CARD14: variants seen among roughly 807,000 people sequenced by gnomAD.
CARD14 encodes caspase recruitment domain-containing protein 14.
Under a neutral mutation model 111.5 loss-of-function variants are expected in CARD14, and 107 were observed. The ratio of observed to expected loss-of-function variants is 0.96; its 90% CI spans 0.82 to 1.13. CARD14 has a LOEUF of 1.13. Ranked by LOEUF, CARD14 falls within the 50% of genes most tolerant of loss-of-function variation. CARD14 has a pLI of 0.00. For missense variants in CARD14, 1,322 were observed against 1,362.3 expected (o/e 0.97, Z 0.47); for synonymous variants, 617 against 579.6 (o/e 1.06, Z -0.93).
intron 12 of CARD14, among the ~76,000 whole-genome samples, chr17:80,193,057 G>A (rs183497624): frequency 3.9e-5 from 6 of 152,154 alleles, no homozygotes; most frequent in African/African-American, 7.2e-5. Context: ...GCCCTATTGC[G>A]AGAGTTTTAA....
chr17:80,192,350 G>A (rs370413586), intron 11 of CARD14, 153 bp from the exon 12 acceptor site: 22 of 628,630 alleles, frequency 3.5e-5, no homozygotes, highest in Non-Finnish European at 5.5e-5. Context: ...TGATGGGCTC[G>A]GAGGACAGGG....
At chr17:80,177,051 C>T (rs1475307427) in intron 2 of CARD14, among the ~76,000 whole-genome samples, 1 of 152,216 alleles carries the variant, frequency 6.6e-6, no homozygotes, top group Non-Finnish European at 1.5e-5. Context: ...AGTCCACACT[C>T]CAGGGGTGAG....
Position 80,183,987 on chromosome 17 carries a change from GA to G in CARD14, c.428del (p.Lys143ArgfsTer38). 2 of 1,581,840 alleles carry G rather than the reference GA, an allele frequency of 1.3e-6. No individual in the cohort carries two copies. The highest frequency in any genetic ancestry group is 1.7e-6 in the Non-Finnish European group (2 of 1,162,310). On this transcript the variant is annotated frameshift_variant, in exon 7 of 24. Transcript: ENST00000648509. LOFTEE classifies it high-confidence loss of function. ...CAGCCTGCAGGAGGAGCTGAACCAG[GA>G]AAAGGGGCAGAAGGAGGTGCTGCTG... The part of the protein sequence containing the change: ...IGSLQEELNQ[E>X]KGQKEVLLRR...
In CARD14 at chr17:80,189,044, T is replaced by C. The variant is rs910827412; in HGVS notation, c.843+500T>C. Among the ~76,000 whole-genome samples the C allele has an allele frequency of 2.0e-5, 3 of 152,178 alleles. No individual in the cohort carries two copies. Among genetic ancestry groups the C allele is most frequent in the Non-Finnish European group, 4.4e-5 (3 of 68,030 alleles). ...CCAGCCTGGCGACAGAGGGAGACCC[T>C]GTCTCAAACAAACAAAAATAAAAGC... On this transcript the variant is annotated intron_variant, in intron 8 of 23. Coordinates refer to ENST00000648509, the MANE Select transcript of CARD14 (RefSeq NM_001366385.1). This position sits in a 1 kb window ranked among gnomAD's most constrained non-coding sequence, Gnocchi z 4.7.
chr17:80,170,277 T>A (rs557457923), intron 1 of CARD14: 2 of 152,156 alleles, frequency 1.3e-5, no homozygotes, highest in African/African-American at 2.4e-5. Context: ...ACTGGAACAT[T>A]CTCTGAATGC....
rs772836274 is a variant in CARD14, at chr17:80,198,558, G to C, written c.1818G>C (p.Gln606His). Residue 606 changes from glutamine to histidine, a missense_variant, in exon 16 of 24, where the codon CAG becomes CAC. Coordinates refer to ENST00000648509, the MANE Select transcript of CARD14 (RefSeq NM_001366385.1). This position sits in a 1 kb window ranked among gnomAD's most constrained non-coding sequence, Gnocchi z 7.5. ...HRVTPGSAAD[Q>H]MALRPGTQIV... ...TCACCCCGGGCTCGGCGGCGGACCA[G>C]ATGGCCTTGCGCCCGGGCACCCAGA... 15 of 1,612,870 alleles carry C rather than the reference G, an allele frequency of 9.3e-6. No homozygotes were observed. The East Asian group carries it at 2.7e-4, about 29-fold the overall frequency.
At chr17:80,174,249 G>C (rs1280656819) in intron 2 of CARD14, among the ~76,000 whole-genome samples, 1 of 152,152 alleles carries the variant, frequency 6.6e-6, no homozygotes, top group Non-Finnish European at 1.5e-5. Context: ...GTCTCGGTCT[G>C]TCTCCCTGGC....
In CARD14 at chr17:80,171,301, TTCTC is replaced by T. The variant is rs1311227697; in HGVS notation, c.-690+1257_-690+1260del. On this transcript the variant is annotated intron_variant, in intron 1 of 23. Transcript: ENST00000648509. ...TTCTTTTCTTCTTTTCTTTCTTTCT[TTCTC>T]TCTCTCTCTCTTTCTTTCTTTTCCT... 4.7e-5 allele frequency among the ~76,000 whole-genome samples: 7 copies of T among 148,380 alleles called. No individual in the cohort carries two copies. In the East Asian group the frequency reaches 1.0e-3, roughly 21 times the overall value.
rs1248564986 is a variant in CARD14 at position 80,198,579 on chromosome 17, C to A, written c.1839C>A (p.Thr613=). ...ACCAGATGGCCTTGCGCCCGGGCAC[C>A]CAGATTGTGATGGTGAGCCGTGCGA... ...AADQMALRPG[T]QIVMVDYEAS... The change falls in exon 16 of 24, where the codon ACC becomes ACA. Residue 613 remains threonine, a synonymous_variant. Coordinates refer to ENST00000648509, the MANE Select transcript of CARD14 (RefSeq NM_001366385.1). This position sits in a 1 kb window ranked among gnomAD's most constrained non-coding sequence, Gnocchi z 7.5. 1 of 1,612,378 alleles carries A rather than the reference C, an allele frequency of 6.2e-7. No homozygotes were observed. Among genetic ancestry groups the A allele is most frequent in the African/African-American group, 1.3e-5 (1 of 75,056 alleles).
At chr17:80,204,538 C>T (rs1171903018) in intron 20 of CARD14, 197 bp downstream of exon 20, 5 of 492,844 alleles carry the variant, frequency 1.0e-5, no homozygotes, top group Admixed American at 3.5e-5. Flanking sequence ...GCAGGAGAAT[C>T]GCCTGAACCC....
Position 80,189,718 on chromosome 17 carries a change from A to G in CARD14, c.844-35A>G, listed in dbSNP as rs755191146. Reference sequence around the variant, plus strand: ...CTTGCCTAGGGCAGGCCTCTGGGGAAGCCAGCACCCCAGGCTGACCTCTCT... The same window carrying G: ...CTTGCCTAGGGCAGGCCTCTGGGGAGGCCAGCACCCCAGGCTGACCTCTCT... On this transcript the variant is annotated intron_variant, in intron 8 of 23. Coordinates refer to ENST00000648509, the MANE Select transcript of CARD14 (RefSeq NM_001366385.1). The surrounding 1 kb of genome is among the most constrained non-coding windows in gnomAD (Gnocchi z 4.7). 6.6e-7 allele frequency: 1 copy of G among 1,520,778 alleles called. No homozygotes were observed. The highest frequency in any genetic ancestry group is 2.4e-5 in the Admixed American group (1 of 41,254). The allele number at this position is 1,520,778 out of a possible 1,614,324, so 94.2% of individuals were successfully genotyped here.
chr17:80,184,655 G>A (rs960883544), intron 7 of CARD14, among the ~76,000 whole-genome samples: 2 of 151,722 alleles, frequency 1.3e-5, no homozygotes, highest in African/African-American at 4.9e-5. Context: ...CCTGGACTCA[G>A]GCGGGATAGT....
chr17:80,193,997 T>C (rs2040620319), intron 12 of CARD14, among the ~76,000 whole-genome samples: 1 of 152,120 alleles, frequency 6.6e-6, no homozygotes, highest in African/African-American at 2.4e-5. Context: ...ACCAGCCTCG[T>C]GGGCAACTGA....
chr17:80,208,354 GC>G lies in CARD14; in HGVS notation c.*13del. Reference sequence around the variant, plus strand: ...AGCAGAGCCCCCGATGATGCACCGTGCCCCTTCCCGGGACTGTGGGGGCTTC... The same window carrying G: ...AGCAGAGCCCCCGATGATGCACCGTGCCCTTCCCGGGACTGTGGGGGCTTC... On this transcript the variant is annotated 3_prime_UTR_variant, in exon 24 of 24. Transcript: ENST00000648509. 1 of 1,580,456 alleles carries G rather than the reference GC, an allele frequency of 6.3e-7. No individual in the cohort carries two copies. The highest frequency in any genetic ancestry group is 1.8e-5 in the Admixed American group (1 of 56,310).
intron 22 of CARD14, chr17:80,206,724 G>A (rs949094991): frequency 2.2e-5 from 5 of 222,898 alleles, no homozygotes; most frequent in Middle Eastern, 1.4e-3. Context: ...CCGAGATCGC[G>A]CCACTGCACT....
Position 80,205,609 on chromosome 17 carries a change from G to A in CARD14, c.2648G>A (p.Arg883His), listed in dbSNP as rs2289541. 3.1e-3 allele frequency: 4,877 copies of A among 1,566,766 alleles called. 205 individuals are homozygous for A. The East Asian group carries it at 0.091, about 29-fold the overall frequency. ...IIQEGEVSGGRCWVTRHAVES... is the reference protein window; with the variant it reads ...IIQEGEVSGGHCWVTRHAVES... ...CAGGAGGGAGAGGTGTCCGGGGGCCGCTGCTGGGTGACCCGCCATGCTGTG... is the reference window on the plus strand; with the variant it reads ...CAGGAGGGAGAGGTGTCCGGGGGCCACTGCTGGGTGACCCGCCATGCTGTG... Residue 883 changes from arginine (R) to histidine (H), a missense_variant, in exon 22 of 24, where the codon CGC becomes CAC. Coordinates refer to ENST00000648509, the MANE Select transcript of CARD14 (RefSeq NM_001366385.1).
chr17:80,201,782 C>A lies in CARD14; in HGVS notation c.1890C>A (p.Val630=). The part of the protein sequence containing the change: ...YEASEPLFKA[V]LEDTTLEEAV... The stretch of plus-strand genomic sequence containing the variant: ...CCTCAGAGCCCTTGTTCAAGGCAGT[C>A]CTGGAGGACACGACCCTGGAGGAGG... The change falls in exon 17 of 24, where the codon GTC becomes GTA. Residue 630 remains valine (V), a synonymous_variant. Coordinates refer to ENST00000648509, the MANE Select transcript of CARD14 (RefSeq NM_001366385.1). The surrounding 1 kb of genome is among the most constrained non-coding windows in gnomAD (Gnocchi z 5.0). The A allele has an allele frequency of 1.9e-6, 3 of 1,614,042 alleles. No individual in the cohort carries two copies. The highest frequency in any genetic ancestry group is 1.3e-5 in the African/African-American group (1 of 75,030).
intron 16 of CARD14, among the ~76,000 whole-genome samples, chr17:80,199,323 A>G (rs1387855785): frequency 6.6e-6 from 1 of 151,584 alleles, no homozygotes; most frequent in Non-Finnish European, 1.5e-5. Flanking sequence ...CCCCGTCTCT[A>G]CTAAAAATGC....
rs534581445 is a variant in CARD14 at position 80,208,315 on chromosome 17, G to A, written c.2985G>A (p.Lys995=). 9.3e-6 allele frequency: 15 copies of A among 1,605,982 alleles called. No individual in the cohort carries two copies. In the South Asian group the frequency reaches 1.6e-4, roughly 17 times the overall value. Residue 995 remains lysine, a synonymous_variant, in exon 24 of 24, where the codon AAG becomes AAA. Transcript: ENST00000648509. ...VRQAIADEQK[K]VVWTEQSPR ...AGGCCATCGCCGACGAGCAGAAGAAGGTGGTGTGGACGGAGCAGAGCCCCC... is the reference window on the plus strand; with the variant it reads ...AGGCCATCGCCGACGAGCAGAAGAAAGTGGTGTGGACGGAGCAGAGCCCCC...
Sources: gnomAD v4.1 joint callset for allele counts (sites outside exome capture counted in the v4.1 genomes callset) on GRCh38, gnomAD v4.1.1 for gene constraint, Gnocchi (gnomAD v3.1) non-coding constraint, MANE v1.5 for transcripts, NCBI Gene and HGNC (gene_info 2026-07-23, HGNC 2026-07-21) for gene names.